The following GLIS3 variants were observed in gnomAD, a reference collection of about 807,000 sequenced individuals.
GLIS3 encodes the protein GLIS family zinc finger 3.
In GLIS3, 53 loss-of-function variants were observed where a neutral mutation model predicts 78.6. The ratio of observed to expected loss-of-function variants is 0.67; its 90% CI spans 0.54 to 0.85. The LOEUF is 0.85. Among genes scored for constraint, GLIS3 ranks in the 40% least tolerant of loss-of-function variants. The pLI is 0.00. For missense variants in GLIS3, 1,703 were observed against 1,231.1 expected (o/e 1.38, Z -5.74); for synonymous variants, 684 against 509.9 (o/e 1.34, Z -4.60).
intron 2 of GLIS3, among the ~76,000 whole-genome samples, chr9:4,142,337 G>A (rs1332440447): frequency 7.9e-5 from 12 of 152,196 alleles, no homozygotes; most frequent in African/African-American, 2.9e-4. Context: ...AGTCTTAGAA[G>A]AGAGTAAATA....
chr9:4,015,001 A>C (rs149299104), intron 4 of GLIS3, among the ~76,000 whole-genome samples: 1 of 152,332 alleles, frequency 6.6e-6, no homozygotes, highest in African/African-American at 2.4e-5. Context: ...TTCATTCTAA[A>C]AGAATTGATA....
intron 4 of GLIS3, among the ~76,000 whole-genome samples, chr9:4,069,499 G>C (rs559530970): frequency 6.6e-6 from 1 of 152,182 alleles, no homozygotes; most frequent in Non-Finnish European, 1.5e-5. Flanking sequence ...CCTGAGTCTG[G>C]AACAGCCAGC....
At chr9:4,234,169 G>A (rs909820835) in intron 2 of GLIS3, among the ~76,000 whole-genome samples, 1 of 152,146 alleles carries the variant, frequency 6.6e-6, no homozygotes, top group Non-Finnish European at 1.5e-5. Flanking sequence ...GTGTTCATGG[G>A]AGGAGCACTT....
intron 4 of GLIS3, among the ~76,000 whole-genome samples, chr9:4,101,674 G>A (rs139912472): frequency 6.1e-4 from 93 of 152,254 alleles, no homozygotes; most frequent in Middle Eastern, 3.4e-3. Context: ...TTTTTAAACT[G>A]TTTCCAATTA....
intron 2 of GLIS3, among the ~76,000 whole-genome samples, chr9:4,155,739 C>T (rs1389454463): frequency 1.3e-5 from 2 of 152,134 alleles, no homozygotes; most frequent in Admixed American, 6.5e-5. Context: ...CAGAATTTCA[C>T]GGACGGCTGT....
At chr9:3,935,276 C>T (rs1271683503) in intron 5 of GLIS3, among the ~76,000 whole-genome samples, 1 of 151,892 alleles carries the variant, frequency 6.6e-6, no homozygotes, top group Non-Finnish European at 1.5e-5. Context: ...AAAATTTAAA[C>T]AGGAGCTAGT....
chr9:4,234,647 C>G (rs544077418), intron 2 of GLIS3, among the ~76,000 whole-genome samples: 2 of 152,150 alleles, frequency 1.3e-5, no homozygotes, highest in Non-Finnish European at 2.9e-5. Flanking sequence ...GAAGTGAGCA[C>G]ATACTGTTTG....
At chr9:3,834,711 C>G (rs1818248185) in intron 9 of GLIS3, among the ~76,000 whole-genome samples, 1 of 152,182 alleles carries the variant, frequency 6.6e-6, no homozygotes. Context: ...ATACATCTAT[C>G]TTTTCCTTGC....
At chr9:3,982,932 A>T (rs1198023975) in intron 4 of GLIS3, among the ~76,000 whole-genome samples, 1 of 152,206 alleles carries the variant, frequency 6.6e-6, no homozygotes, top group Non-Finnish European at 1.5e-5. Flanking sequence ...GAATTAGAAG[A>T]AACTAGAGTG....
intron 2 of GLIS3, among the ~76,000 whole-genome samples, chr9:4,168,258 C>A (rs1378794285): frequency 6.6e-6 from 1 of 152,130 alleles, no homozygotes; most frequent in Non-Finnish European, 1.5e-5. Flanking sequence ...TTGTAAATCA[C>A]TGTCTAAAGT....
At chr9:4,346,109 A>C (rs958178620) in intron 2 of GLIS3, among the ~76,000 whole-genome samples, 1 of 152,214 alleles carries the variant, frequency 6.6e-6, no homozygotes, top group African/African-American at 2.4e-5. Flanking sequence ...TTTGACATCC[A>C]TTGAAAGAAA....
chr9:4,165,939 T>G (rs1288477483), intron 2 of GLIS3, among the ~76,000 whole-genome samples: 2 of 152,210 alleles, frequency 1.3e-5, no homozygotes, highest in Non-Finnish European at 2.9e-5. Context: ...AAAGTACTAC[T>G]GTGCTTGCAG....
intron 2 of GLIS3, among the ~76,000 whole-genome samples, chr9:4,176,721 T>A (rs138683711): frequency 5.9e-5 from 9 of 152,324 alleles, no homozygotes; most frequent in African/African-American, 2.2e-4. Context: ...CCTCCCGGGT[T>A]CAAATGATTC....
At position 3,977,239 on chromosome 9, in the gene GLIS3, C is replaced by T. The variant is rs1331160949; in HGVS notation, c.1711-40050G>A. ...AGACCTTGCTAGGCCACCCCTCCTCCACCCAGATATTAGATCCACATTTTA... is the reference window on the plus strand; with the variant it reads ...AGACCTTGCTAGGCCACCCCTCCTCTACCCAGATATTAGATCCACATTTTA... On this transcript the variant is annotated intron_variant, in intron 4 of 10. Coordinates refer to ENST00000381971, the MANE Select transcript of GLIS3 (RefSeq NM_001042413.2). The surrounding 1 kb of genome is among the most constrained non-coding windows in gnomAD (Gnocchi z 4.1). 6.6e-6 allele frequency among the ~76,000 whole-genome samples: 1 copy of T among 152,166 alleles called. No individual in the cohort carries two copies.
At chr9:3,859,320 T>A (rs1441080914) in intron 8 of GLIS3, among the ~76,000 whole-genome samples, 1 of 151,580 alleles carries the variant, frequency 6.6e-6, no homozygotes, top group Non-Finnish European at 1.5e-5. Context: ...TCTAAGTGTC[T>A]GCACCTACTT....
At chr9:4,255,100 A>T (rs577317052) in intron 2 of GLIS3, among the ~76,000 whole-genome samples, 3 of 152,240 alleles carry the variant, frequency 2.0e-5, no homozygotes, top group Non-Finnish European at 4.4e-5. Context: ...TCACATAAGC[A>T]TATGAGAAGA....
intron 8 of GLIS3, chr9:3,878,637 G>T (rs1367353837): frequency 1.3e-5 from 2 of 152,122 alleles, no homozygotes; most frequent in Non-Finnish European, 2.9e-5. Flanking sequence ...GGAGTAACCA[G>T]GTAGGTCAAC....
intron 4 of GLIS3, among the ~76,000 whole-genome samples, chr9:3,962,365 A>G (rs1817624987): frequency 6.6e-6 from 1 of 152,178 alleles, no homozygotes; most frequent in Non-Finnish European, 1.5e-5. Context: ...GATTAGACAC[A>G]ATGACACTTT....
rs562341566 is a variant in GLIS3, at chr9:4,160,990, T to C, written c.389-35049A>G. ...TGGGAGTGGTGGTTCATGCCTATAA[T>C]CCCAGCACTTAAGAAGGCTAAGGTG... On this transcript the variant is annotated intron_variant, in intron 2 of 10. Transcript: ENST00000381971. 2.1e-3 allele frequency among the ~76,000 whole-genome samples: 309 copies of C among 146,444 alleles called. 1 individual carries two copies. Among genetic ancestry groups the C allele is most frequent in the Non-Finnish European group, 3.6e-3 (244 of 67,550 alleles).
Sources: allele counts gnomAD v4.1 joint callset (sites outside exome capture counted in the v4.1 genomes callset), GRCh38; gene constraint gnomAD v4.1.1; non-coding constraint Gnocchi (gnomAD v3.1); transcripts MANE v1.5; gene names NCBI Gene and HGNC (gene_info 2026-07-23, HGNC 2026-07-21).